The following SREK1 variants were observed in gnomAD, a reference collection of about 807,000 sequenced individuals.
SREK1 encodes the protein splicing regulatory glutamine/lysine-rich protein 1.
In SREK1, 13 loss-of-function variants were observed where a neutral mutation model predicts 66.5. That is an observed-to-expected ratio of 0.20 (90% CI 0.13 to 0.31). The LOEUF is 0.31. Among genes scored for constraint, SREK1 ranks in the 10% least tolerant of loss-of-function variants. The probability of loss-of-function intolerance (pLI) is 1.00; values close to 1 mark genes in which losing one functional copy is unlikely to be tolerated. For missense variants in SREK1, 607 were observed against 769.6 expected, an observed-to-expected ratio of 0.79 and a Z score of 2.50; for synonymous variants, 265 against 263.5, an observed-to-expected ratio of 1.01 and a Z score of -0.05.
In SREK1 at chr5:66,146,680, T is replaced by C. The variant is rs116486930; in HGVS notation, c.161+2143T>C. Among the ~76,000 whole-genome samples, 807 of 152,160 alleles carry C rather than the reference T, an allele frequency of 5.3e-3. 7 individuals are homozygous for C. The highest frequency in any genetic ancestry group is 0.019 in the African/African-American group (783 of 41,504). ...TTTCTGCTTCGTAATGAAGTTGTCA[T>C]TGCCTGGTCCTTATATTAGAAGACG... On this transcript the variant is annotated intron_variant, in intron 1 of 11. Transcript: ENST00000334121.
At chr5:66,160,511 G>C (rs1039978631) in intron 3 of SREK1, among the ~76,000 whole-genome samples, 7 of 152,206 alleles carry the variant, frequency 4.6e-5, no homozygotes, top group Admixed American at 4.6e-4. Flanking sequence ...GAAGCATAGT[G>C]AGTGAGGGTC....
rs1744305996 is a variant in SREK1, at chr5:66,156,589, C to G, written c.296-2630C>G. 5.1e-6 allele frequency: 5 copies of G among 985,276 alleles called. No individual in the cohort carries two copies. In the African/African-American group the frequency reaches 8.7e-5, roughly 17 times the overall value. The allele number at this position is 985,276 out of a possible 1,614,324, so 61.0% of individuals were successfully genotyped here. On this transcript the variant is annotated intron_variant, in intron 2 of 11. Coordinates refer to ENST00000334121, the MANE Select transcript of SREK1 (RefSeq NM_001077199.3). Reference sequence around the variant, plus strand: ...GCAACATTTTTCTAGTTTTTTTCCCCCCTAGTCTACATCTCTCATAAAAAC... The same window carrying G: ...GCAACATTTTTCTAGTTTTTTTCCCGCCTAGTCTACATCTCTCATAAAAAC...
chr5:66,151,946 C>T (rs1257302608), intron 1 of SREK1, among the ~76,000 whole-genome samples: 2 of 147,588 alleles, frequency 1.4e-5, no homozygotes, highest in Non-Finnish European at 3.0e-5. Flanking sequence ...CCCGGGTTCA[C>T]GCCACTCTCC....
chr5:66,152,208 T>A (rs1664433727), intron 1 of SREK1, among the ~76,000 whole-genome samples: 1 of 152,222 alleles, frequency 6.6e-6, no homozygotes, highest in Non-Finnish European at 1.5e-5. Flanking sequence ...ATAATGTAAA[T>A]AGTTTTAAGT....
At chr5:66,155,486 A>G (rs886320339) in intron 2 of SREK1, among the ~76,000 whole-genome samples, 1 of 152,238 alleles carries the variant, frequency 6.6e-6, no homozygotes, top group Non-Finnish European at 1.5e-5. Flanking sequence ...GAAATAGTGC[A>G]TTATTGTACT....
Position 66,163,780 on chromosome 5 carries a change from T to C in SREK1, c.756-12T>C. On this transcript the variant is annotated splice_polypyrimidine_tract_variant and intron_variant, in intron 5 of 11. Coordinates refer to ENST00000334121, the MANE Select transcript of SREK1 (RefSeq NM_001077199.3). The stretch of plus-strand genomic sequence containing the variant: ...GGTGTGTATTTGTGATATGCTAATA[T>C]TTTTAATTTAGAATAAATCACTCCA... 3 of 1,606,506 alleles carry C rather than the reference T, an allele frequency of 1.9e-6. No homozygotes were observed. Among genetic ancestry groups the C allele is most frequent in the Non-Finnish European group, 1.7e-6 (2 of 1,176,560 alleles).
intron 11 of SREK1, 90 bp downstream of exon 11, chr5:66,177,748 G>GTACAAGACACTGT: frequency 2.7e-6 from 3 of 1,093,182 alleles, no homozygotes; most frequent in Non-Finnish European, 3.8e-6. Flanking sequence ...GGGGAACAGT[G>GTACAAGACACTGT]TCTTGTACAT....
chr5:66,159,425 T>A (rs1224742316), intron 3 of SREK1, 91 bp downstream of exon 3: 13 of 859,944 alleles, frequency 1.5e-5, no homozygotes, highest in African/African-American at 5.1e-5. Flanking sequence ...CATTTGGATC[T>A]TCTTCTTTTT....
rs1256243843 is a variant in SREK1, at chr5:66,179,178, G to T, written c.*310G>T. On this transcript the variant is annotated 3_prime_UTR_variant, in exon 12 of 12. Transcript: ENST00000334121. ...CATTGCAAATAAATTGAACATCAAA[G>T]ATCCAAGTTTGTACTATCCCTAAAG... 3 of 188,916 alleles carry T rather than the reference G, an allele frequency of 1.6e-5. No homozygotes were observed. The highest frequency in any genetic ancestry group is 3.3e-5 in the Non-Finnish European group (3 of 91,748). The allele number at this position is 188,916 out of a possible 1,614,324, so 11.7% of individuals were successfully genotyped here.
In SREK1 at chr5:66,181,451, G is replaced by T. The variant is rs1204159693; in HGVS notation, c.*2583G>T. On this transcript the variant is annotated 3_prime_UTR_variant, in exon 12 of 12. Coordinates refer to ENST00000334121, the MANE Select transcript of SREK1 (RefSeq NM_001077199.3). The stretch of plus-strand genomic sequence containing the variant: ...TTCTTTTTTTAAATCCCAGGTAGAT[G>T]TTGTCAGATAAACTTGAGGTAAGGC... 6.6e-6 allele frequency: 1 copy of T among 152,148 alleles called. No homozygotes were observed. The highest frequency in any genetic ancestry group is 2.4e-5 in the African/African-American group (1 of 41,428). 9.4% of individuals were successfully genotyped at this position (152,148 alleles called of 1,614,324 possible).
chr5:66,170,520 G>A, intron 8 of SREK1, 65 bp from the exon 9 acceptor site: 20 of 1,518,048 alleles, frequency 1.3e-5, no homozygotes, highest in Non-Finnish European at 1.8e-5. Flanking sequence ...GTTGAAGAGA[G>A]AGAGGTCTTT....
Position 66,179,117 on chromosome 5 carries a change from C to T in SREK1, c.*249C>T, listed in dbSNP as rs747545212. The T allele has an allele frequency of 6.7e-6, 2 of 298,054 alleles. No individual in the cohort carries two copies. The highest frequency in any genetic ancestry group is 4.8e-5 in the Admixed American group (1 of 21,004). The allele number at this position is 298,054 out of a possible 1,614,324, so 18.5% of individuals were successfully genotyped here. On this transcript the variant is annotated 3_prime_UTR_variant, in exon 12 of 12. Transcript: ENST00000334121. ...CTGTGCATTTCCATGGTGGCTGACA[C>T]ACTTGTCATGTGGTCTGTTAGTGTT...
In SREK1 at chr5:66,182,769, T is replaced by C. The variant is rs1407750278; in HGVS notation, c.*3901T>C. 1 of 152,230 alleles carries C rather than the reference T, an allele frequency of 6.6e-6. No homozygotes were observed. The highest frequency in any genetic ancestry group is 1.5e-5 in the Non-Finnish European group (1 of 68,094). 9.4% of individuals were successfully genotyped at this position (152,230 alleles called of 1,614,324 possible). On this transcript the variant is annotated 3_prime_UTR_variant, in exon 12 of 12. Transcript: ENST00000334121. ...TTTTTGTAGAGACAGGATCTTGCCA[T>C]GTTGCCTAGACTGGTCTCAAACTCC...
chr5:66,164,830 A>G lies in SREK1; in HGVS notation c.934A>G (p.Thr312Ala), dbSNP rs1295480990. Reference protein sequence around the residue: ...ERKGGRSRSHTRSKSRSSSKS... With the variant: ...ERKGGRSRSHARSKSRSSSKS... ...AAAAGGCGGTCGATCTCGTTCCCAT[A>G]CTCGCTCAAAATCCAGGTCTAGCTC... is the stretch of plus-strand genomic sequence containing the variant. Residue 312 changes from threonine (T) to alanine (A), a missense_variant, in exon 7 of 12, where the codon ACT (threonine) becomes GCT (alanine). Around this residue, in one of 5 missense-constraint regions of SREK1, gnomAD observed 112 missense variants for 168.6 expected, o/e 0.66. Transcript: ENST00000334121. The G allele has an allele frequency of 3.7e-6, 6 of 1,614,086 alleles. No homozygotes were observed. Among genetic ancestry groups the G allele is most frequent in the Non-Finnish European group, 5.1e-6 (6 of 1,179,936 alleles).
intron 2 of SREK1, chr5:66,156,900 A>C (rs1228081534): frequency 3.1e-6 from 3 of 966,260 alleles, no homozygotes; most frequent in Non-Finnish European, 3.6e-6. Flanking sequence ...TGAGATTAGG[A>C]CTATAATACT....
intron 5 of SREK1, chr5:66,163,179 A>T (rs1744904113): frequency 6.6e-6 from 1 of 152,192 alleles, no homozygotes; most frequent in African/African-American, 2.4e-5. Context: ...ATACAATTTG[A>T]TCAGGATTTT....
At chr5:66,163,429 AG>A (rs1195329092) in intron 5 of SREK1, 1 of 187,480 alleles carries the variant, frequency 5.3e-6, no homozygotes, top group African/African-American at 2.4e-5. Context: ...TAGAGTGTAC[AG>A]GATATCAGTA....
rs945858569 is a variant in SREK1 at position 66,180,289 on chromosome 5, ATTG to A, written c.*1426_*1428del. Reference sequence around the variant, plus strand: ...ATAACTTGTGGTTTCTGAACTCATTATTGTTGTATTTCCAAAAAAGTAATACCT... The same window carrying A: ...ATAACTTGTGGTTTCTGAACTCATTATTGTATTTCCAAAAAAGTAATACCT... On this transcript the variant is annotated 3_prime_UTR_variant, in exon 12 of 12. Transcript: ENST00000334121. 1.4e-4 allele frequency: 21 copies of A among 152,566 alleles called. No individual in the cohort carries two copies. Among genetic ancestry groups the A allele is most frequent in the African/African-American group, 3.4e-4 (14 of 41,452 alleles). 9.5% of individuals were successfully genotyped at this position (152,566 alleles called of 1,614,324 possible).
chr5:66,173,002 G>C (rs1467581595), intron 9 of SREK1, among the ~76,000 whole-genome samples: 2 of 151,172 alleles, frequency 1.3e-5, no homozygotes, highest in Non-Finnish European at 3.0e-5. Flanking sequence ...ACTGATTTTT[G>C]TATTTTATTT....
Sources: allele counts gnomAD v4.1 joint callset (sites outside exome capture counted in the v4.1 genomes callset), GRCh38; gene constraint gnomAD v4.1.1; regional missense constraint gnomAD v4.1.1; transcripts MANE v1.5; gene names NCBI Gene and HGNC (gene_info 2026-07-23, HGNC 2026-07-21).